The following EPHX2 variants were observed in gnomAD, a reference collection of about 807,000 sequenced individuals.
EPHX2 encodes the protein epoxide hydrolase 2, also known as bifunctional epoxide hydrolase 2.
A neutral mutation model predicts 78.7 loss-of-function variants in EPHX2; 74 were observed. That is an observed-to-expected ratio of 0.94 (90% confidence interval 0.78 to 1.14). EPHX2 has a LOEUF of 1.14. EPHX2 is among the 50% of genes most tolerant of loss of function. The pLI is 0.00. For missense variants in EPHX2, 715 were observed against 702.5 expected (o/e 1.02, Z -0.20); for synonymous variants, 251 against 255.2 (o/e 0.98, Z 0.16).
intron 16 of EPHX2, among the ~76,000 whole-genome samples, chr8:27,541,935 C>A (rs1815417617): frequency 1.3e-5 from 2 of 151,982 alleles, no homozygotes; most frequent in African/African-American, 4.8e-5. Context: ...GTGACTTTAG[C>A]CTTCGGTTGT....
intron 16 of EPHX2, among the ~76,000 whole-genome samples, chr8:27,543,057 G>A (rs1226109598): frequency 7.6e-6 from 1 of 131,844 alleles, no homozygotes; most frequent in Non-Finnish European, 1.5e-5. Context: ...ACTTTCTAGA[G>A]TTTACAAACC....
chr8:27,492,067 A>G (rs1250933919), intron 1 of EPHX2, among the ~76,000 whole-genome samples: 4 of 152,218 alleles, frequency 2.6e-5, no homozygotes, highest in African/African-American at 4.8e-5. Flanking sequence ...CAGGCATGGA[A>G]GCCATTGTTC....
chr8:27,512,663 T>C (rs1237428314), intron 6 of EPHX2, among the ~76,000 whole-genome samples: 1 of 152,088 alleles, frequency 6.6e-6, no homozygotes, highest in Non-Finnish European at 1.5e-5. Context: ...TTGGCCTCAT[T>C]TAAATATGAA....
intron 1 of EPHX2, among the ~76,000 whole-genome samples, chr8:27,491,832 A>G (rs1342238346): frequency 6.6e-6 from 1 of 152,194 alleles, no homozygotes. Context: ...TTTATACAAT[A>G]TGGTTTCAGC....
chr8:27,548,616 A>G (rs548676367), downstream of EPHX2, among the ~76,000 whole-genome samples: 17 of 152,334 alleles, frequency 1.1e-4, no homozygotes, highest in South Asian at 3.5e-3. Context: ...ATTGGAGAGT[A>G]TATGCACAAA....
intron 9 of EPHX2, 110 bp from the exon 10 acceptor site, chr8:27,520,773 G>T: frequency 3.1e-6 from 4 of 1,295,158 alleles, no homozygotes; most frequent in Non-Finnish European, 3.4e-6. Context: ...GGCCCTGGGG[G>T]TTAGGACTTC....
chr8:27,511,939 A>G (rs533556168), intron 6 of EPHX2, 29 bp downstream of exon 6: 2 of 1,609,862 alleles, frequency 1.2e-6, no homozygotes, highest in African/African-American at 1.3e-5. Flanking sequence ...TCAGTCGGCT[A>G]AGTGCTCTCC....
At position 27,507,013 on chromosome 8, in the gene EPHX2, G is replaced by A. The variant is rs760601130; in HGVS notation, c.660+19G>A. ...AATCCAGGTAACTTGACTTCTGAGC[G>A]AGCCAAGCTTCCTGGACTCATCTGT... On this transcript the variant is annotated intron_variant, in intron 5 of 18. Transcript: ENST00000521400. The A allele has an allele frequency of 6.2e-6, 10 of 1,612,428 alleles. No homozygotes were observed. The highest frequency in any genetic ancestry group is 2.2e-5 in the South Asian group (2 of 90,946).
chr8:27,511,756 C>A, intron 5 of EPHX2, 80 bp from the exon 6 acceptor site: 1 of 1,454,532 alleles, frequency 6.9e-7, no homozygotes, highest in Non-Finnish European at 9.7e-7. Flanking sequence ...CCAAGGCCTC[C>A]CCTGGCACCA....
chr8:27,501,340 TTCTTC>T lies in EPHX2; in HGVS notation c.186+332_186+336del, dbSNP rs1448800335. On this transcript the variant is annotated intron_variant, in intron 2 of 18. Coordinates refer to ENST00000521400, the MANE Select transcript of EPHX2 (RefSeq NM_001979.6). ...GCTATATATTTTCTTCTTCTTCTTC[TTCTTC>T]TTCTTCTTCTTCTTCTTCTTCTTCT... Among the ~76,000 whole-genome samples, 54 of 109,162 alleles carry T rather than the reference TTCTTC, an allele frequency of 4.9e-4. 1 individual carries two copies. The highest frequency in any genetic ancestry group is 2.1e-3 in the African/African-American group (51 of 24,664). The allele number at this position is 109,162 out of a possible 152,430, so 71.6% of individuals were successfully genotyped here.
chr8:27,520,084 C>T (rs1229177655), intron 9 of EPHX2, among the ~76,000 whole-genome samples: 1 of 151,818 alleles, frequency 6.6e-6, no homozygotes, highest in East Asian at 1.9e-4. Context: ...TCAAGGGATC[C>T]TCCTGCCTCA....
chr8:27,491,286 G>A lies in EPHX2; in HGVS notation c.78G>A (p.Thr26=), dbSNP rs1295886313. Residue 26 remains threonine, a synonymous_variant, in exon 1 of 19, where the codon ACG becomes ACA. Coordinates refer to ENST00000521400, the MANE Select transcript of EPHX2 (RefSeq NM_001979.6). ...LPAVFGVLGR[T]EEALALPRGL... The stretch of plus-strand genomic sequence containing the variant: ...CGGTGTTCGGCGTCCTCGGCCGCAC[G>A]GAGGAGGCCCTGGCGCTGCCCAGGT... 6.4e-7 allele frequency: 1 copy of A among 1,570,192 alleles called. No homozygotes were observed. The highest frequency in any genetic ancestry group is 2.4e-5 in the East Asian group (1 of 41,832).
rs750640017 is a variant in EPHX2 at position 27,491,222 on chromosome 8, C to G, written c.14C>G (p.Ala5Gly). The G allele has an allele frequency of 6.3e-7, 1 of 1,582,736 alleles. No homozygotes were observed. The highest frequency in any genetic ancestry group is 1.7e-5 in the Admixed American group (1 of 58,586). The change falls in exon 1 of 19, where the codon GCG becomes GGG. Residue 5 changes from alanine to glycine, a missense_variant. Physicochemically the swap from Ala to Gly is moderately conservative, Grantham distance 60. Coordinates refer to ENST00000521400, the MANE Select transcript of EPHX2 (RefSeq NM_001979.6). MTLR[A>G]AVFDLDGVLA... ...AGACCCGCCGCCATGACGCTGCGCG[C>G]GGCCGTCTTCGACCTTGACGGGGTG...
At chr8:27,519,551 C>T (rs1413586372) in intron 9 of EPHX2, among the ~76,000 whole-genome samples, 1 of 152,192 alleles carries the variant, frequency 6.6e-6, no homozygotes, top group Non-Finnish European at 1.5e-5. Flanking sequence ...TATGTATTGG[C>T]ATACACTGAA....
At chr8:27,515,993 G>A (rs1398224688) in intron 7 of EPHX2, among the ~76,000 whole-genome samples, 180 bp downstream of exon 7, 1 of 152,200 alleles carries the variant, frequency 6.6e-6, no homozygotes, top group Non-Finnish European at 1.5e-5. Context: ...AGGCCACGAG[G>A]CACTTTTGCA....
chr8:27,521,700 T>C (rs1274389949), intron 10 of EPHX2, among the ~76,000 whole-genome samples: 1 of 152,234 alleles, frequency 6.6e-6, no homozygotes, highest in African/African-American at 2.4e-5. Flanking sequence ...GAACAGGGCA[T>C]GGCCCAGAGT....
chr8:27,494,334 C>T (rs963799629), intron 1 of EPHX2, among the ~76,000 whole-genome samples: 2 of 152,162 alleles, frequency 1.3e-5, no homozygotes, highest in Non-Finnish European at 2.9e-5. Context: ...GGATTGTGGC[C>T]TCCAGGCACA....
chr8:27,508,939 CATCCT>C (rs1814125709), intron 5 of EPHX2, among the ~76,000 whole-genome samples: 1 of 144,368 alleles, frequency 6.9e-6, no homozygotes, highest in African/African-American at 2.6e-5. Flanking sequence ...TGGCAACCCC[CATCCT>C]GCTTTTTTTT....
chr8:27,543,740 TC>T lies in EPHX2; in HGVS notation c.1450-3del, dbSNP rs1346220969. The T allele has an allele frequency of 1.9e-6, 3 of 1,613,332 alleles. No homozygotes were observed. Among genetic ancestry groups the T allele is most frequent in the Non-Finnish European group, 2.5e-6 (3 of 1,179,780 alleles). ...TGCTGGCCACTTCTGTTTCCTGTTC[TC>T]CCCCCAGATCCTGATTCCGGCCCTG... On this transcript the variant is annotated splice_region_variant and splice_polypyrimidine_tract_variant and intron_variant, in intron 16 of 18. Transcript: ENST00000521400.
Sources: gnomAD v4.1 joint callset for allele counts (sites outside exome capture counted in the v4.1 genomes callset) on GRCh38, gnomAD v4.1.1 for gene constraint, MANE v1.5 for transcripts, NCBI Gene and HGNC (gene_info 2026-07-23, HGNC 2026-07-21) for gene names.